Variants in BRIP1 observed in about 807,000 individuals in gnomAD.
The protein encoded by BRIP1 is BRCA1 interacting DNA helicase 1.
BRIP1 carries 88 observed loss-of-function variants against 119.7 expected under a neutral mutation model. The ratio of observed to expected loss-of-function variants is 0.74; its 90% CI spans 0.62 to 0.88. BRIP1 has a LOEUF of 0.88. Ranked by LOEUF, BRIP1 falls within the 40% of genes least tolerant of loss-of-function variation. The probability of loss-of-function intolerance (pLI) is 0.00; values close to 1 mark genes in which losing one functional copy is unlikely to be tolerated. For missense variants in BRIP1, 1,259 were observed against 1,455.4 expected, an observed-to-expected ratio of 0.87 and a Z score of 2.20; for synonymous variants, 443 against 496.5, an observed-to-expected ratio of 0.89 and a Z score of 1.43.
In BRIP1 at chr17:61,794,922, T is replaced by A. The variant is rs2077877191; in HGVS notation, c.1341-1193A>T. Among the ~76,000 whole-genome samples, 1 of 151,410 alleles carries A rather than the reference T, an allele frequency of 6.6e-6. No individual in the cohort carries two copies. Among genetic ancestry groups the A allele is most frequent in the South Asian group, 2.1e-4 (1 of 4,806 alleles). The stretch of plus-strand genomic sequence containing the variant: ...AACAGCTAGGAGAAAGGTCCTGAGG[T>A]GGTTAGCAAATTTTGCTTGTTTGAG... On this transcript the variant is annotated intron_variant, in intron 9 of 19. Transcript: ENST00000259008. This position sits in a 1 kb window ranked among gnomAD's most constrained non-coding sequence, Gnocchi z 4.3.
At chr17:61,790,874 G>T (rs879917303) in intron 10 of BRIP1, among the ~76,000 whole-genome samples, 1 of 151,940 alleles carries the variant, frequency 6.6e-6, no homozygotes, top group Non-Finnish European at 1.5e-5. Flanking sequence ...CAATCCGCCA[G>T]CCTCAGCCTG....
At chr17:61,839,367 A>T (rs1288425310) in intron 6 of BRIP1, among the ~76,000 whole-genome samples, 7 of 152,050 alleles carry the variant, frequency 4.6e-5, no homozygotes, top group African/African-American at 1.7e-4. Flanking sequence ...TAAAGTTGAA[A>T]ATACAAATCA....
chr17:61,811,979 G>A (rs1322775648), intron 6 of BRIP1, among the ~76,000 whole-genome samples: 2 of 151,858 alleles, frequency 1.3e-5, no homozygotes, highest in East Asian at 3.9e-4. Flanking sequence ...TAAAAGATTT[G>A]GTACAATCAT....
rs185271438 is a variant in BRIP1 at position 61,713,561 on chromosome 17, G to A, written c.2492+2390C>T. 1.3e-5 allele frequency among the ~76,000 whole-genome samples: 2 copies of A among 148,948 alleles called. No homozygotes were observed. Among genetic ancestry groups the A allele is most frequent in the East Asian group, 2.0e-4 (1 of 5,066 alleles). ...TTTTGAGATGGAGTCTCGCTCTGTCGCCCAGGCTGGAGTGCAGTGGGGTGA... is the reference window on the plus strand; with the variant it reads ...TTTTGAGATGGAGTCTCGCTCTGTCACCCAGGCTGGAGTGCAGTGGGGTGA... On this transcript the variant is annotated intron_variant, in intron 17 of 19. Coordinates refer to ENST00000259008, the MANE Select transcript of BRIP1 (RefSeq NM_032043.3). The surrounding 1 kb of genome is among the most constrained non-coding windows in gnomAD (Gnocchi z 4.9).
rs1303237603 is a variant in BRIP1 at position 61,798,581 on chromosome 17, A to G, written c.1340+519T>C. Among the ~76,000 whole-genome samples, 8 of 152,022 alleles carry G rather than the reference A, an allele frequency of 5.3e-5. No homozygotes were observed. The highest frequency in any genetic ancestry group is 4.1e-4 in the South Asian group (2 of 4,824). The stretch of plus-strand genomic sequence containing the variant: ...AATGAAATGGGATTCAGAGTTGGGA[A>G]GTTTTTTTCTATGGTAACAAGATTC... On this transcript the variant is annotated intron_variant, in intron 9 of 19. Transcript: ENST00000259008. This position sits in a 1 kb window ranked among gnomAD's most constrained non-coding sequence, Gnocchi z 5.5.
rs933738953 is a variant in BRIP1, at chr17:61,803,789, C to G, written c.919-2315G>C. Reference sequence around the variant, plus strand: ...TAGTAGAAGTACATAGGCAATTTGTCAAAAAACTACCAAAATTTAAAATTT... The same window carrying G: ...TAGTAGAAGTACATAGGCAATTTGTGAAAAAACTACCAAAATTTAAAATTT... On this transcript the variant is annotated intron_variant, in intron 7 of 19. Coordinates refer to ENST00000259008, the MANE Select transcript of BRIP1 (RefSeq NM_032043.3). This position sits in a 1 kb window ranked among gnomAD's most constrained non-coding sequence, Gnocchi z 4.3. Among the ~76,000 whole-genome samples the G allele has an allele frequency of 4.6e-5, 7 of 152,070 alleles. No individual in the cohort carries two copies. The highest frequency in any genetic ancestry group is 1.7e-4 in the African/African-American group (7 of 41,502).
chr17:61,696,150 C>T (rs1175393860), intron 17 of BRIP1, among the ~76,000 whole-genome samples: 1 of 148,980 alleles, frequency 6.7e-6, no homozygotes, highest in Admixed American at 6.7e-5. Flanking sequence ...TATATTCCCA[C>T]TTTGTTGAGT....
intron 17 of BRIP1, among the ~76,000 whole-genome samples, chr17:61,714,800 ATTT>A (rs35246906): frequency 3.8e-4 from 49 of 129,026 alleles, no homozygotes; most frequent in African/African-American, 1.2e-3. Flanking sequence ...TGATTTGCTA[ATTT>A]TTTTTTTTTT....
chr17:61,818,092 C>T (rs1361473091), intron 6 of BRIP1, among the ~76,000 whole-genome samples: 2 of 150,890 alleles, frequency 1.3e-5, no homozygotes, highest in Admixed American at 6.6e-5. Flanking sequence ...ATCTCTCACA[C>T]CTGTAATCCC....
rs863224431 is a variant in BRIP1, at chr17:61,799,153, A to G, written c.1287T>C (p.Asn429=). Residue 429 remains asparagine (N), a synonymous_variant, in exon 9 of 20, where the codon AAT becomes AAC. Transcript: ENST00000259008. The surrounding 1 kb of genome is among the most constrained non-coding windows in gnomAD (Gnocchi z 5.1). Reference sequence around the variant, plus strand: ...GGGGTTCATGATCTTTCTTCCTTATATTATTGTTGACCATACTATCTAGTT... The same window carrying G: ...GGGGTTCATGATCTTTCTTCCTTATGTTATTGTTGACCATACTATCTAGTT... ...RDELDSMVNN[N]IRKKDHEPLR... 4.3e-6 allele frequency: 7 copies of G among 1,613,678 alleles called. No individual in the cohort carries two copies. Among genetic ancestry groups the G allele is most frequent in the Non-Finnish European group, 5.9e-6 (7 of 1,179,682 alleles).
rs1207905486 is a variant in BRIP1, at chr17:61,769,733, T to TA, written c.2097+6667_2097+6668insT. Among the ~76,000 whole-genome samples the TA allele has an allele frequency of 6.6e-6, 1 of 152,186 alleles. No individual in the cohort carries two copies. The highest frequency in any genetic ancestry group is 1.5e-5 in the Non-Finnish European group (1 of 68,036). On this transcript the variant is annotated intron_variant, in intron 14 of 19. Coordinates refer to ENST00000259008, the MANE Select transcript of BRIP1 (RefSeq NM_032043.3). This position sits in a 1 kb window ranked among gnomAD's most constrained non-coding sequence, Gnocchi z 4.9. ...TGAGAACTGAGGTCACAAGGCAAAC[T>TA]GCCACCCTGAAATCTGGAGAGACAG...
chr17:61,833,954 A>G (rs566715445), intron 6 of BRIP1, among the ~76,000 whole-genome samples: 1 of 152,348 alleles, frequency 6.6e-6, no homozygotes, highest in African/African-American at 2.4e-5. Context: ...TTTGTGAGCC[A>G]TATGGTCTCT....
Position 61,705,060 on chromosome 17 carries a change from G to C in BRIP1, c.2492+10891C>G, listed in dbSNP as rs1389275613. Among the ~76,000 whole-genome samples, 1 of 152,068 alleles carries C rather than the reference G, an allele frequency of 6.6e-6. No homozygotes were observed. The highest frequency in any genetic ancestry group is 1.9e-4 in the East Asian group (1 of 5,196). On this transcript the variant is annotated intron_variant, in intron 17 of 19. Coordinates refer to ENST00000259008, the MANE Select transcript of BRIP1 (RefSeq NM_032043.3). This position sits in a 1 kb window ranked among gnomAD's most constrained non-coding sequence, Gnocchi z 5.0. ...CAGAAAGCAAGCATAGAACACAATA[G>C]GTAGTTTTTCAACCCTTGCTTCCCT...
In BRIP1 at chr17:61,807,538, A is replaced by G. The variant is rs2078091621; in HGVS notation, c.918+929T>C. Among the ~76,000 whole-genome samples, 2 of 152,184 alleles carry G rather than the reference A, an allele frequency of 1.3e-5. No homozygotes were observed. Among genetic ancestry groups the G allele is most frequent in the African/African-American group, 4.8e-5 (2 of 41,460 alleles). On this transcript the variant is annotated intron_variant, in intron 7 of 19. Coordinates refer to ENST00000259008, the MANE Select transcript of BRIP1 (RefSeq NM_032043.3). This position sits in a 1 kb window ranked among gnomAD's most constrained non-coding sequence, Gnocchi z 4.5. ...TCATCTATAAAAGAGAGTATTAAGGAAGAAAAGCATAAAACAAAATAATTC... is the reference window on the plus strand; with the variant it reads ...TCATCTATAAAAGAGAGTATTAAGGGAGAAAAGCATAAAACAAAATAATTC...
Position 61,684,154 on chromosome 17 carries a change from AATT to A in BRIP1, c.2906-17_2906-15del. 6.2e-7 allele frequency: 1 copy of A among 1,611,518 alleles called. No homozygotes were observed. The highest frequency in any genetic ancestry group is 8.5e-7 in the Non-Finnish European group (1 of 1,178,972). ...ATACTGGATCATCTAAGAATACAAGAATTTAAGAGATTTAACTTTCTGCTCCTA... is the reference window on the plus strand; with the variant it reads ...ATACTGGATCATCTAAGAATACAAGATAAGAGATTTAACTTTCTGCTCCTA... On this transcript the variant is annotated splice_polypyrimidine_tract_variant and intron_variant, in intron 19 of 19. Transcript: ENST00000259008. The surrounding 1 kb of genome is among the most constrained non-coding windows in gnomAD (Gnocchi z 4.5).
chr17:61,787,177 TA>T (rs1216177961), intron 10 of BRIP1, among the ~76,000 whole-genome samples: 5 of 76,596 alleles, frequency 6.5e-5, no homozygotes, highest in Non-Finnish European at 1.2e-4. Context: ...ATAAAATATA[TA>T]AAAATATATT....
chr17:61,785,885 G>A (rs974186807), intron 10 of BRIP1, among the ~76,000 whole-genome samples: 2 of 151,946 alleles, frequency 1.3e-5, no homozygotes, highest in African/African-American at 4.8e-5. Flanking sequence ...AGAGTACTCC[G>A]AGCTCAATTC....
chr17:61,787,896 G>A (rs1215872080), intron 10 of BRIP1, among the ~76,000 whole-genome samples: 4 of 152,052 alleles, frequency 2.6e-5, no homozygotes, highest in Admixed American at 1.3e-4. Context: ...TGCCCGCCTC[G>A]GCCTCCCAAA....
rs1433089816 is a variant in BRIP1 at position 61,853,201 on chromosome 17, G to C, written c.379+3857C>G. ...AATCTCACAAATACAATATTAAGCA[G>C]AAGACAGACACAAGATTACATATAT... is the stretch of plus-strand genomic sequence containing the variant. On this transcript the variant is annotated intron_variant, in intron 4 of 19. Coordinates refer to ENST00000259008, the MANE Select transcript of BRIP1 (RefSeq NM_032043.3). The surrounding 1 kb of genome is among the most constrained non-coding windows in gnomAD (Gnocchi z 4.3). Among the ~76,000 whole-genome samples the C allele has an allele frequency of 6.6e-6, 1 of 150,996 alleles. No individual in the cohort carries two copies. Among genetic ancestry groups the C allele is most frequent in the Non-Finnish European group, 1.5e-5 (1 of 67,810 alleles).
Sources: gnomAD v4.1 joint callset for allele counts (sites outside exome capture counted in the v4.1 genomes callset) on GRCh38, gnomAD v4.1.1 for gene constraint, Gnocchi (gnomAD v3.1) non-coding constraint, MANE v1.5 for transcripts, NCBI Gene and HGNC (gene_info 2026-07-23, HGNC 2026-07-21) for gene names.